The following TRIM24 variants were observed in gnomAD, a reference collection of about 807,000 sequenced individuals.
The protein encoded by TRIM24 is tripartite motif containing 24.
TRIM24 carries 29 observed loss-of-function variants against 123.9 expected under a neutral mutation model. That is an observed-to-expected ratio of 0.23 (90% CI 0.17 to 0.32). The LOEUF (loss-of-function observed/expected upper bound fraction) is 0.32. TRIM24 is among the 10% of genes least tolerant of loss of function. The pLI, the probability that TRIM24 is intolerant of heterozygous loss-of-function variation, is 1.00. For missense variants in TRIM24, 932 were observed against 1,295.3 expected, an observed-to-expected ratio of 0.72 and a Z score of 4.31; for synonymous variants, 456 against 461.1, an observed-to-expected ratio of 0.99 and a Z score of 0.14.
At position 138,551,281 on chromosome 7, in the gene TRIM24, G is replaced by A. The variant is rs148815634; in HGVS notation, c.1261+101G>A. 1,201 of 1,027,980 alleles carry A rather than the reference G, an allele frequency of 1.2e-3. 9 individuals carry two copies. In the African/African-American group the frequency reaches 0.016, roughly 14 times the overall value. The allele number at this position is 1,027,980 out of a possible 1,614,324, so 63.7% of individuals were successfully genotyped here. ...AATATGTTCACTTAGGCTGGGCACG[G>A]TGGCTCACATCTGTAATCCTAGCAC... On this transcript the variant is annotated intron_variant, in intron 8 of 18. Coordinates refer to ENST00000343526, the MANE Select transcript of TRIM24 (RefSeq NM_015905.3).
At chr7:138,559,639 G>A (rs541733703) in intron 9 of TRIM24, among the ~76,000 whole-genome samples, 1 of 152,220 alleles carries the variant, frequency 6.6e-6, no homozygotes, top group Non-Finnish European at 1.5e-5. Context: ...CCAGAGCAAG[G>A]CTGTTGACTT....
intron 1 of TRIM24, among the ~76,000 whole-genome samples, chr7:138,488,076 G>T (rs1795688647): frequency 6.6e-6 from 1 of 152,130 alleles, no homozygotes; most frequent in African/African-American, 2.4e-5. Flanking sequence ...TCTTGGGAGT[G>T]TGTATGTGTC....
Position 138,499,047 on chromosome 7 carries a change from G to A in TRIM24, c.365-5243G>A, listed in dbSNP as rs570004165. ...TGCTCTATTGATTTCTGAGAGGGGA[G>A]AGTTGAAATCAACAAATGTAATGTG... On this transcript the variant is annotated intron_variant, in intron 1 of 18. Transcript: ENST00000343526. Among the ~76,000 whole-genome samples the A allele has an allele frequency of 2.0e-5, 3 of 152,098 alleles. No individual in the cohort carries two copies. In the South Asian group the frequency reaches 6.3e-4, roughly 32 times the overall value.
intron 4 of TRIM24, among the ~76,000 whole-genome samples, chr7:138,520,535 A>G (rs1224795054): frequency 1.3e-5 from 2 of 152,148 alleles, no homozygotes; most frequent in Non-Finnish European, 2.9e-5. Context: ...CCATCCCCAC[A>G]AAAAATTAGC....
At chr7:138,509,873 TC>T (rs1272711731) in intron 2 of TRIM24, among the ~76,000 whole-genome samples, 1 of 152,032 alleles carries the variant, frequency 6.6e-6, no homozygotes, top group Non-Finnish European at 1.5e-5. Context: ...AGATAAAAGC[TC>T]AGAGGAAGGG....
In TRIM24 at chr7:138,484,196, G is replaced by A. The variant is rs182543025; in HGVS notation, c.365-20094G>A. On this transcript the variant is annotated intron_variant, in intron 1 of 18. Coordinates refer to ENST00000343526, the MANE Select transcript of TRIM24 (RefSeq NM_015905.3). ...GCGATCTTGTCTCACCTCAACCTCC[G>A]CCTCCCGGGTTCAAGTTATTCTCCT... Among the ~76,000 whole-genome samples the A allele has an allele frequency of 5.1e-3, 771 of 150,898 alleles. 4 individuals are homozygous for A. Among genetic ancestry groups the A allele is most frequent in the African/African-American group, 0.018 (739 of 41,044 alleles).
chr7:138,486,091 T>G (rs1178755083), intron 1 of TRIM24, among the ~76,000 whole-genome samples: 1 of 152,242 alleles, frequency 6.6e-6, no homozygotes, highest in Non-Finnish European at 1.5e-5. Context: ...TGATGACCAG[T>G]GATGATGAGC....
chr7:138,508,678 T>TGTGC (rs758286466), intron 2 of TRIM24, among the ~76,000 whole-genome samples: 1,110 of 51,048 alleles, frequency 0.022, 26 homozygotes, highest in East Asian at 0.064. Context: ...TGTGTGTGTG[T>TGTGC]GTGTGTGTGT....
intron 2 of TRIM24, among the ~76,000 whole-genome samples, chr7:138,512,131 C>G (rs902557068): frequency 6.6e-6 from 1 of 152,208 alleles, no homozygotes; most frequent in African/African-American, 2.4e-5. Context: ...ATCCAGGACA[C>G]ACTGGTACTA....
chr7:138,587,899 C>T lies in TRIM24; in HGVS notation c.*2948C>T, dbSNP rs371687171. On this transcript the variant is annotated 3_prime_UTR_variant, in exon 19 of 19. Coordinates refer to ENST00000343526, the MANE Select transcript of TRIM24 (RefSeq NM_015905.3). ...ATTCAACGCAGAATACATTTTAGAT[C>T]GGTATCTGGCATTGTAATCATTTTG... The T allele has an allele frequency of 6.6e-6, 1 of 152,134 alleles. No homozygotes were observed. Among genetic ancestry groups the T allele is most frequent in the Non-Finnish European group, 1.5e-5 (1 of 68,036 alleles). 9.4% of individuals were successfully genotyped at this position (152,134 alleles called of 1,614,324 possible).
At chr7:138,467,178 T>G (rs1795161364) in intron 1 of TRIM24, among the ~76,000 whole-genome samples, 1 of 152,186 alleles carries the variant, frequency 6.6e-6, no homozygotes, top group African/African-American at 2.4e-5. Context: ...ATTTGACAGT[T>G]TGTTCTTTTT....
intron 2 of TRIM24, among the ~76,000 whole-genome samples, chr7:138,507,644 T>C (rs2116535997): frequency 1.3e-5 from 2 of 152,320 alleles, no homozygotes; most frequent in East Asian, 3.9e-4. Context: ...TATTTTGGTA[T>C]GTACTTCAGT....
intron 13 of TRIM24, among the ~76,000 whole-genome samples, chr7:138,576,826 TAC>T (rs1175809042): frequency 6.6e-6 from 1 of 152,218 alleles, no homozygotes; most frequent in Admixed American, 6.5e-5. Flanking sequence ...AAAATAAATA[TAC>T]AGTTATTGAA....
At chr7:138,581,927 A>G (rs1053385157) in intron 17 of TRIM24, among the ~76,000 whole-genome samples, 156 bp downstream of exon 17, 1 of 152,214 alleles carries the variant, frequency 6.6e-6, no homozygotes, top group African/African-American at 2.4e-5. Context: ...CTATGTAGGT[A>G]CATTTTAGTA....
intron 9 of TRIM24, among the ~76,000 whole-genome samples, chr7:138,566,190 A>G (rs1398541626): frequency 6.6e-6 from 1 of 152,050 alleles, no homozygotes; most frequent in Non-Finnish European, 1.5e-5. Flanking sequence ...CCTGTAATCA[A>G]CCAGGGTTGT....
chr7:138,584,464 G>C (rs1797971202), intron 18 of TRIM24, among the ~76,000 whole-genome samples: 1 of 152,160 alleles, frequency 6.6e-6, no homozygotes, highest in Admixed American at 6.5e-5. Flanking sequence ...CCTGGTTCAT[G>C]ATCCTATGGT....
chr7:138,512,504 C>T (rs1796311403), intron 2 of TRIM24, among the ~76,000 whole-genome samples: 2 of 152,162 alleles, frequency 1.3e-5, no homozygotes, highest in Admixed American at 1.3e-4. Flanking sequence ...CAGAGAGAGG[C>T]TCCCAAATCT....
intron 1 of TRIM24, among the ~76,000 whole-genome samples, chr7:138,502,288 CAT>C (rs938393028): frequency 2.6e-5 from 4 of 152,190 alleles, no homozygotes; most frequent in Non-Finnish European, 5.9e-5. Flanking sequence ...TGCATTTACT[CAT>C]GTGAAATTGT....
At chr7:138,581,087 G>GACTT (rs1797885735) in intron 16 of TRIM24, among the ~76,000 whole-genome samples, 1 of 151,914 alleles carries the variant, frequency 6.6e-6, no homozygotes, top group Non-Finnish European at 1.5e-5. Context: ...AATGGGACTA[G>GACTT]ACTTATGCAT....
Sources: allele counts gnomAD v4.1 joint callset (sites outside exome capture counted in the v4.1 genomes callset), GRCh38; gene constraint gnomAD v4.1.1; transcripts MANE v1.5; gene names NCBI Gene and HGNC (gene_info 2026-07-23, HGNC 2026-07-21).